The following PHLPP2 variants were observed in gnomAD, a reference collection of about 807,000 sequenced individuals.
PHLPP2 encodes the protein PH domain leucine-rich repeat-containing protein phosphatase 2.
Under a neutral mutation model 124.9 loss-of-function variants are expected in PHLPP2, and 66 were observed. That is an observed-to-expected ratio of 0.53 (90% CI 0.43 to 0.65). PHLPP2 has a LOEUF of 0.65. PHLPP2 is among the 30% of genes least tolerant of loss of function. The pLI is 0.00. For missense variants in PHLPP2, 1,685 were observed against 1,600.4 expected (o/e 1.05, Z -0.90); for synonymous variants, 681 against 624.7 (o/e 1.09, Z -1.34).
Position 71,645,621 on chromosome 16 carries a change from G to C in PHLPP2, c.*3269C>G, listed in dbSNP as rs186739014. ...GAAGAGCATCATTTGATATTCAGTA[G>C]ATCTGCCACACCCAACTGGCTCCAT... is the stretch of plus-strand genomic sequence containing the variant. On this transcript the variant is annotated 3_prime_UTR_variant, in exon 19 of 19. Coordinates refer to ENST00000568954, the MANE Select transcript of PHLPP2 (RefSeq NM_015020.3). The C allele has an allele frequency of 6.5e-6, 1 of 153,206 alleles. No individual in the cohort carries two copies. Among genetic ancestry groups the C allele is most frequent in the African/African-American group, 2.4e-5 (1 of 41,558 alleles). 9.5% of individuals were successfully genotyped at this position (153,206 alleles called of 1,614,324 possible).
rs755624704 is a variant in PHLPP2, at chr16:71,649,657, T to C, written c.3205A>G (p.Thr1069Ala). ...TTIKDAPKPA[T>A]PSSSSGIASE... ...GCAATCCCACTGCTAGAGGATGGAG[T>C]GGCTGGCTTAGGGGCATCCTTGATA... Residue 1069 changes from threonine (T) to alanine (A), a missense_variant, in exon 19 of 19, where the codon ACT (threonine) becomes GCT (alanine). Coordinates refer to ENST00000568954, the MANE Select transcript of PHLPP2 (RefSeq NM_015020.3). 5 of 1,613,896 alleles carry C rather than the reference T, an allele frequency of 3.1e-6. No individual in the cohort carries two copies. Among genetic ancestry groups the C allele is most frequent in the Admixed American group, 3.3e-5 (2 of 59,982 alleles).
chr16:71,676,307 T>C (rs1020427183), intron 9 of PHLPP2, 140 bp downstream of exon 9: 1 of 635,438 alleles, frequency 1.6e-6, no homozygotes, highest in African/African-American at 1.8e-5. Flanking sequence ...GACAGCAAAG[T>C]GAAGAGATAA....
Position 71,646,121 on chromosome 16 carries a change from C to T in PHLPP2, c.*2769G>A, listed in dbSNP as rs1347148751. 1.3e-5 allele frequency: 2 copies of T among 152,580 alleles called. No homozygotes were observed. The highest frequency in any genetic ancestry group is 2.9e-5 in the Non-Finnish European group (2 of 68,028). 9.5% of individuals were successfully genotyped at this position (152,580 alleles called of 1,614,324 possible). ...GAACACATCCTCTGGGTAAAGTACT[C>T]GGAAGTAAATTACATTCACCTGGAG... is the stretch of plus-strand genomic sequence containing the variant. On this transcript the variant is annotated 3_prime_UTR_variant, in exon 19 of 19. Transcript: ENST00000568954.
chr16:71,667,067 A>G, intron 12 of PHLPP2, 111 bp downstream of exon 12: 1 of 865,464 alleles, frequency 1.2e-6, no homozygotes. Flanking sequence ...TAGTTGGACT[A>G]TTAGGTAAAC....
intron 3 of PHLPP2, among the ~76,000 whole-genome samples, chr16:71,701,304 CTATCTATCTATA>C (rs1403538841): frequency 1.1e-3 from 80 of 73,432 alleles, no homozygotes; most frequent in South Asian, 2.1e-3. Context: ...ATCTATCTAT[CTATCTATCTATA>C]TATCTATCTA....
intron 10 of PHLPP2, among the ~76,000 whole-genome samples, chr16:71,671,136 G>A (rs752944129): frequency 5.3e-5 from 8 of 152,158 alleles, no homozygotes; most frequent in Admixed American, 3.9e-4. Context: ...AACGGAAAAG[G>A]TAAAATTTTA....
intron 1 of PHLPP2, among the ~76,000 whole-genome samples, chr16:71,720,383 G>A (rs1037495514): frequency 2.0e-5 from 3 of 152,098 alleles, no homozygotes; most frequent in Admixed American, 6.5e-5. Flanking sequence ...CTCCCAAAGT[G>A]TTGGGATTAT....
At position 71,681,829 on chromosome 16, in the gene PHLPP2, C is replaced by G. The variant is rs750933434; in HGVS notation, c.812G>C (p.Ser271Thr). The G allele has an allele frequency of 6.2e-7, 1 of 1,613,874 alleles. No individual in the cohort carries two copies. Among genetic ancestry groups the G allele is most frequent in the East Asian group, 2.2e-5 (1 of 44,864 alleles). ...CAAGTTGAGGTAGGTAATATCTTGA[C>G]TATAGAAGAGATGCTCAGGAACCTC... Reference protein sequence around the residue: ...LEEVPEHLFYSQDITYLNLRH... With the variant: ...LEEVPEHLFYTQDITYLNLRH... Residue 271 changes from serine (S) to threonine (T), a missense_variant, in exon 6 of 19, where the codon AGT becomes ACT. Coordinates refer to ENST00000568954, the MANE Select transcript of PHLPP2 (RefSeq NM_015020.3).
intron 18 of PHLPP2, 79 bp downstream of exon 18, chr16:71,652,711 A>G: frequency 1.0e-6 from 1 of 980,144 alleles, no homozygotes; most frequent in Non-Finnish European, 1.6e-6. Flanking sequence ...TAGGAAGAAA[A>G]TGGGCCTTCA....
At chr16:71,702,766 G>C in intron 2 of PHLPP2, 35 bp from the exon 3 acceptor site, 1 of 1,450,716 alleles carries the variant, frequency 6.9e-7, no homozygotes, top group Non-Finnish European at 9.4e-7. Flanking sequence ...TATATATTTG[G>C]TAAGTAATAA....
At chr16:71,722,949 C>G (rs2045407690) in intron 1 of PHLPP2, among the ~76,000 whole-genome samples, 2 of 152,228 alleles carry the variant, frequency 1.3e-5, no homozygotes, top group South Asian at 4.1e-4. Flanking sequence ...CTTCTCATCA[C>G]CTTCAAGGTT....
intron 3 of PHLPP2, among the ~76,000 whole-genome samples, chr16:71,691,648 T>A (rs1028977343): frequency 1.3e-5 from 2 of 152,092 alleles, no homozygotes; most frequent in Non-Finnish European, 2.9e-5. Flanking sequence ...TACATAATCC[T>A]CCATCTCTCT....
At chr16:71,683,454 A>C (rs2045022621) in intron 5 of PHLPP2, among the ~76,000 whole-genome samples, 2 of 152,224 alleles carry the variant, frequency 1.3e-5, no homozygotes, top group South Asian at 4.1e-4. Context: ...ACATATGCAG[A>C]CCAAGAAGCA....
At chr16:71,688,134 T>C (rs538396293) in intron 4 of PHLPP2, among the ~76,000 whole-genome samples, 176 of 152,362 alleles carry the variant, frequency 1.2e-3, no homozygotes, top group African/African-American at 4.0e-3. Flanking sequence ...CATCCCTTTA[T>C]GACCTTTAAA....
chr16:71,705,955 G>A (rs2045270933), intron 2 of PHLPP2, among the ~76,000 whole-genome samples: 1 of 152,140 alleles, frequency 6.6e-6, no homozygotes, highest in Non-Finnish European at 1.5e-5. Context: ...GACAGTATTG[G>A]GGAGGGAAAT....
rs1388603294 is a variant in PHLPP2, at chr16:71,714,810, T to C, written c.-6-9A>G. The C allele has an allele frequency of 6.2e-7, 1 of 1,605,074 alleles. No homozygotes were observed. The highest frequency in any genetic ancestry group is 8.5e-7 in the Non-Finnish European group (1 of 1,175,434). On this transcript the variant is annotated splice_polypyrimidine_tract_variant and intron_variant, in intron 1 of 18. Transcript: ENST00000568954. ...TTGCGTTTCATATTTCTCTAAAAAATATCAAGAGAAAGAAATCGTTAGCTA... is the reference window on the plus strand; with the variant it reads ...TTGCGTTTCATATTTCTCTAAAAAACATCAAGAGAAAGAAATCGTTAGCTA...
intron 13 of PHLPP2, among the ~76,000 whole-genome samples, chr16:71,659,251 T>C (rs2044768290): frequency 2.0e-5 from 3 of 147,890 alleles, no homozygotes; most frequent in Admixed American, 1.3e-4. Context: ...ACAAAGATTT[T>C]TTTTTTTTTT....
chr16:71,694,840 A>G lies in PHLPP2; in HGVS notation c.419-4131T>C, dbSNP rs1457610386. The stretch of plus-strand genomic sequence containing the variant: ...TGCTCTGTCGCCCAGGCTGGAGTGC[A>G]GTGGCTCGATCTTGGCTCACTGCAA... On this transcript the variant is annotated intron_variant, in intron 3 of 18. Coordinates refer to ENST00000568954, the MANE Select transcript of PHLPP2 (RefSeq NM_015020.3). 1.1e-4 allele frequency among the ~76,000 whole-genome samples: 16 copies of G among 151,902 alleles called. 1 individual carries two copies. Among genetic ancestry groups the G allele is most frequent in the Admixed American group, 1.0e-3 (16 of 15,256 alleles).
chr16:71,674,614 G>T (rs1182243429), intron 9 of PHLPP2, among the ~76,000 whole-genome samples: 1 of 152,030 alleles, frequency 6.6e-6, no homozygotes, highest in African/African-American at 2.4e-5. Flanking sequence ...ATATTACCAT[G>T]CAAAGCTTTA....
Sources: allele counts gnomAD v4.1 joint callset (sites outside exome capture counted in the v4.1 genomes callset), GRCh38; gene constraint gnomAD v4.1.1; transcripts MANE v1.5; gene names NCBI Gene and HGNC (gene_info 2026-07-23, HGNC 2026-07-21).